BMP8A: variants seen among roughly 807,000 people sequenced by gnomAD.
BMP8A encodes bone morphogenetic protein 8a, also known as BMP-8A.
A neutral mutation model predicts 36.8 loss-of-function variants in BMP8A; 14 were observed. The observed-to-expected ratio is 0.38, with a 90% confidence interval of 0.25 to 0.60. The LOEUF is 0.60. BMP8A is among the 20% of genes least tolerant of loss of function. The pLI, the probability that BMP8A is intolerant of heterozygous loss-of-function variation, is 0.63. For synonymous variants in BMP8A, 120 were observed against 237.7 expected (o/e 0.50, Z 4.55); for missense variants, 267 against 551.1 (o/e 0.48, Z 5.16).
chr1:39,508,175 C>T (rs377697769), intron 1 of BMP8A, among the ~76,000 whole-genome samples: 3 of 151,570 alleles, frequency 2.0e-5, no homozygotes, highest in East Asian at 1.9e-4. Context: ...GGCGTGAACC[C>T]GGGAGGCGGA....
chr1:39,502,250 AAG>A (rs1553470022), intron 1 of BMP8A, among the ~76,000 whole-genome samples: 1 of 140,018 alleles, frequency 7.1e-6, no homozygotes, highest in Non-Finnish European at 1.7e-5. Context: ...AAAAAAAAAA[AAG>A]AAAAGGAAAC....
intron 1 of BMP8A, among the ~76,000 whole-genome samples, chr1:39,494,860 C>T (rs376549588): frequency 3.9e-5 from 6 of 152,194 alleles, no homozygotes; most frequent in African/African-American, 7.2e-5. Flanking sequence ...GGGCCTCCAG[C>T]GCCGTGGGAT....
chr1:39,502,235 C>CAAAAAA (rs144694221), intron 1 of BMP8A, among the ~76,000 whole-genome samples: 1 of 123,120 alleles, frequency 8.1e-6, no homozygotes, highest in Non-Finnish European at 1.7e-5. Context: ...GAGACTGTCT[C>CAAAAAA]AAAAAAAAAA....
chr1:39,509,060 G>A (rs1570294798), intron 1 of BMP8A, among the ~76,000 whole-genome samples: 1 of 152,294 alleles, frequency 6.6e-6, no homozygotes, highest in Middle Eastern at 3.4e-3. Flanking sequence ...TTTGTGGGCT[G>A]TTCCCTCAGT....
intron 1 of BMP8A, among the ~76,000 whole-genome samples, chr1:39,504,981 C>G (rs960292738): frequency 6.6e-6 from 1 of 152,170 alleles, no homozygotes; most frequent in Non-Finnish European, 1.5e-5. Context: ...GCAGTATTGT[C>G]GCCAGCATGT....
chr1:39,496,448 G>A (rs1180476264), intron 1 of BMP8A, among the ~76,000 whole-genome samples: 1 of 151,112 alleles, frequency 6.6e-6, no homozygotes, highest in Non-Finnish European at 1.5e-5. Flanking sequence ...GCATCCTGAC[G>A]CCAACACCTG....
intron 1 of BMP8A, among the ~76,000 whole-genome samples, chr1:39,508,070 T>C (rs1645317441): frequency 6.6e-6 from 1 of 152,066 alleles, no homozygotes; most frequent in Non-Finnish European, 1.5e-5. Flanking sequence ...GCTAACACGG[T>C]GAAACCCTGT....
intron 1 of BMP8A, among the ~76,000 whole-genome samples, chr1:39,505,052 T>G (rs1645289541): frequency 6.6e-6 from 1 of 152,168 alleles, no homozygotes; most frequent in Non-Finnish European, 1.5e-5. Context: ...CCAATCGGGT[T>G]TTACACCACG....
chr1:39,523,511 G>A lies in BMP8A; in HGVS notation c.1059+394G>A, dbSNP rs370111639. 103 of 1,354,584 alleles carry A rather than the reference G, an allele frequency of 7.6e-5. No homozygotes were observed. In the Admixed American group the frequency reaches 9.0e-4, roughly 12 times the overall value. 83.9% of individuals were successfully genotyped at this position (1,354,584 alleles called of 1,614,324 possible). A position where few individuals can be genotyped will look rare whatever the true frequency, so the allele number is the denominator to read the frequency against. ...CCCGAGTACGCTGGCAAGTCTGACCGCCTGTGATATGTGCGCACAGTGTGT... is the reference window on the plus strand; with the variant it reads ...CCCGAGTACGCTGGCAAGTCTGACCACCTGTGATATGTGCGCACAGTGTGT... On this transcript the variant is annotated intron_variant, in intron 6 of 6. Coordinates refer to ENST00000331593, the MANE Select transcript of BMP8A (RefSeq NM_181809.4).
intron 5 of BMP8A, 129 bp downstream of exon 5, chr1:39,522,611 A>G: frequency 7.9e-7 from 1 of 1,268,476 alleles, no homozygotes; most frequent in Non-Finnish European, 1.1e-6. Flanking sequence ...TGTGTTTTCC[A>G]AGTTTTCTAA....
intron 1 of BMP8A, among the ~76,000 whole-genome samples, chr1:39,508,017 C>T (rs782870): frequency 0.081 from 12,396 of 152,100 alleles, 1,299 homozygotes; most frequent in African/African-American, 0.25. Flanking sequence ...TTTGGGAGGC[C>T]GAGGCGGGCA....
At chr1:39,504,581 G>A (rs1219387549) in intron 1 of BMP8A, among the ~76,000 whole-genome samples, 1 of 152,160 alleles carries the variant, frequency 6.6e-6, no homozygotes, top group Non-Finnish European at 1.5e-5. Flanking sequence ...GTGGGTTCAA[G>A]CCCCACATTG....
chr1:39,499,290 G>A (rs1450085748), intron 1 of BMP8A, among the ~76,000 whole-genome samples: 5 of 152,140 alleles, frequency 3.3e-5, no homozygotes, highest in Non-Finnish European at 7.4e-5. Flanking sequence ...CAGGTAGAAG[G>A]CACAAGAGGC....
Position 39,491,946 on chromosome 1 carries a change from G to A in BMP8A, c.-46G>A, listed in dbSNP as rs1645161755. 1.0e-5 allele frequency: 11 copies of A among 1,061,042 alleles called. No homozygotes were observed. Among genetic ancestry groups the A allele is most frequent in the Non-Finnish European group, 1.3e-5 (11 of 879,630 alleles). The allele number at this position is 1,061,042 out of a possible 1,614,324, so 65.7% of individuals were successfully genotyped here. A position where few individuals can be genotyped will look rare whatever the true frequency, so the allele number is the denominator to read the frequency against. On this transcript the variant is annotated 5_prime_UTR_variant, in exon 1 of 7. Coordinates refer to ENST00000331593, the MANE Select transcript of BMP8A (RefSeq NM_181809.4). ...CGTCGGGGCGTCCCCGGGCCCAGGG[G>A]CGGCGGCGGAGCTGATGTGCGCCCG...
Position 39,528,589 on chromosome 1 carries a change from C to T in BMP8A, c.*2791C>T, listed in dbSNP as rs1367135069. On this transcript the variant is annotated 3_prime_UTR_variant, in exon 7 of 7. Transcript: ENST00000331593. The stretch of plus-strand genomic sequence containing the variant: ...CTGTTTCTTTGTCTTTACATAGGGA[C>T]CGGGCGATGCGCTTTAGAGAAATTC... Among the ~76,000 whole-genome samples the T allele has an allele frequency of 6.6e-6, 1 of 152,134 alleles. No individual in the cohort carries two copies. Among genetic ancestry groups the T allele is most frequent in the African/African-American group, 2.4e-5 (1 of 41,434 alleles).
At chr1:39,522,776 G>C (rs1645440853) in intron 5 of BMP8A, among the ~76,000 whole-genome samples, 1 of 152,186 alleles carries the variant, frequency 6.6e-6, no homozygotes, top group East Asian at 1.9e-4. Context: ...TGCAGCTCTG[G>C]GAGGTGTGGG....
rs535893687 is a variant in BMP8A, at chr1:39,504,969, G to A, written c.335-6205G>A. The stretch of plus-strand genomic sequence containing the variant: ...TACACGAACATCTCAATGCAGTAAA[G>A]AGCAGTATTGTCGCCAGCATGTCTC... On this transcript the variant is annotated intron_variant, in intron 1 of 6. Transcript: ENST00000331593. Among the ~76,000 whole-genome samples, 476 of 152,348 alleles carry A rather than the reference G, an allele frequency of 3.1e-3. 1 individual carries two copies. The highest frequency in any genetic ancestry group is 0.011 in the African/African-American group (460 of 41,576).
At chr1:39,510,691 C>T (rs2260479) in intron 1 of BMP8A, among the ~76,000 whole-genome samples, 3,447 of 152,174 alleles carry the variant, frequency 0.023, 104 homozygotes, top group Middle Eastern at 0.082. Context: ...ATCCAGGCAG[C>T]GGGCAGGCTC....
rs939864618 is a variant in BMP8A, at chr1:39,526,320, C to T, written c.*522C>T. Among the ~76,000 whole-genome samples the T allele has an allele frequency of 1.3e-5, 2 of 151,750 alleles. No individual in the cohort carries two copies. The highest frequency in any genetic ancestry group is 4.9e-5 in the African/African-American group (2 of 41,178). On this transcript the variant is annotated 3_prime_UTR_variant, in exon 7 of 7. Coordinates refer to ENST00000331593, the MANE Select transcript of BMP8A (RefSeq NM_181809.4). ...ATTAGAAAAAGAATAAGCTGGACATCCCCACGAAGCCACTGGGGATTTTTT... is the reference window on the plus strand; with the variant it reads ...ATTAGAAAAAGAATAAGCTGGACATTCCCACGAAGCCACTGGGGATTTTTT...
Sources: gnomAD v4.1 joint callset for allele counts (sites outside exome capture counted in the v4.1 genomes callset) on GRCh38, gnomAD v4.1.1 for gene constraint, MANE v1.5 for transcripts, NCBI Gene and HGNC (gene_info 2026-07-23, HGNC 2026-07-21) for gene names.